Variants in CNTNAP2 observed in about 807,000 individuals in gnomAD.
CNTNAP2 encodes contactin associated protein 2, also known as contactin-associated protein-like 2.
CNTNAP2 carries 98 observed loss-of-function variants against 155.2 expected under a neutral mutation model. That is an observed-to-expected ratio of 0.63 (90% CI 0.54 to 0.75). CNTNAP2 has a LOEUF of 0.75. Ranked by LOEUF, CNTNAP2 falls within the 30% of genes least tolerant of loss-of-function variation. The pLI, the probability that CNTNAP2 is intolerant of heterozygous loss-of-function variation, is 0.00. For missense variants in CNTNAP2, 1,727 were observed against 1,688.1 expected, an observed-to-expected ratio of 1.02 and a Z score of -0.40; for synonymous variants, 651 against 631.2, an observed-to-expected ratio of 1.03 and a Z score of -0.47.
chr7:146,763,583 A>G (rs1228141713), intron 1 of CNTNAP2, among the ~76,000 whole-genome samples: 1 of 152,182 alleles, frequency 6.6e-6, no homozygotes, highest in East Asian at 1.9e-4. Flanking sequence ...TGGGTAGTTA[A>G]TACTATTTTT....
chr7:148,277,829 C>CAA (rs36031492), intron 21 of CNTNAP2, among the ~76,000 whole-genome samples: 35,826 of 146,742 alleles, frequency 0.24, 4,397 homozygotes, highest in Middle Eastern at 0.29. Context: ...TTACTTCCTA[C>CAA]AAAAAAAAAA....
At chr7:147,886,161 G>A (rs1799595436) in intron 13 of CNTNAP2, among the ~76,000 whole-genome samples, 1 of 152,114 alleles carries the variant, frequency 6.6e-6, no homozygotes, top group Admixed American at 6.6e-5. Flanking sequence ...TGTCACTGTG[G>A]ATGACTCACA....
intron 21 of CNTNAP2, among the ~76,000 whole-genome samples, chr7:148,340,290 A>G (rs1798205535): frequency 6.6e-6 from 1 of 152,182 alleles, no homozygotes; most frequent in Admixed American, 6.5e-5. Flanking sequence ...ACTCCTGCAA[A>G]ACAAATTAGC....
chr7:146,414,279 T>G (rs1795906820), intron 1 of CNTNAP2, among the ~76,000 whole-genome samples: 1 of 152,236 alleles, frequency 6.6e-6, no homozygotes, highest in Admixed American at 6.5e-5. Context: ...GTGTCAACTC[T>G]GCGATTTTGC....
intron 1 of CNTNAP2, among the ~76,000 whole-genome samples, chr7:146,277,368 T>C (rs1206367550): frequency 6.6e-6 from 1 of 152,166 alleles, no homozygotes; most frequent in Non-Finnish European, 1.5e-5. Context: ...GTAAAAGTCA[T>C]GAACGGCAGC....
chr7:148,153,547 C>G (rs1431696564), intron 17 of CNTNAP2, among the ~76,000 whole-genome samples: 2 of 152,208 alleles, frequency 1.3e-5, no homozygotes, highest in African/African-American at 2.4e-5. Context: ...ACATGTTGAT[C>G]TGAAGCCTCA....
chr7:147,290,741 T>G (rs1388731509), intron 8 of CNTNAP2, among the ~76,000 whole-genome samples: 1 of 145,094 alleles, frequency 6.9e-6, no homozygotes, highest in East Asian at 2.1e-4. Flanking sequence ...GCACTGGATA[T>G]ACAGTGAAAA....
chr7:148,072,199 G>A (rs958764928), intron 15 of CNTNAP2, among the ~76,000 whole-genome samples: 5 of 152,058 alleles, frequency 3.3e-5, no homozygotes, highest in African/African-American at 1.2e-4. Context: ...AAATCTCCAA[G>A]CAATGGAACT....
chr7:147,631,481 C>G (rs771243669), intron 12 of CNTNAP2, among the ~76,000 whole-genome samples: 1 of 152,048 alleles, frequency 6.6e-6, no homozygotes, highest in African/African-American at 2.4e-5. Context: ...AAAAAACAAT[C>G]CTAAAGTTCA....
chr7:147,485,644 T>C (rs1798496926), intron 10 of CNTNAP2, among the ~76,000 whole-genome samples: 2 of 152,092 alleles, frequency 1.3e-5, no homozygotes, highest in South Asian at 4.1e-4. Flanking sequence ...TGTTTTGGGG[T>C]AAAAGAAAAA....
At chr7:147,801,854 G>A (rs905942342) in intron 13 of CNTNAP2, among the ~76,000 whole-genome samples, 2 of 64,314 alleles carry the variant, frequency 3.1e-5, no homozygotes, top group Non-Finnish European at 6.4e-5. Flanking sequence ...CTCCCAGACG[G>A]GGGGGGCGGC....
intron 21 of CNTNAP2, among the ~76,000 whole-genome samples, chr7:148,344,397 C>A (rs1029466577): frequency 1.3e-5 from 2 of 152,312 alleles, no homozygotes; most frequent in African/African-American, 2.4e-5. Flanking sequence ...TCACTCCAGT[C>A]CCTGCTCAGA....
At position 147,820,868 on chromosome 7, in the gene CNTNAP2, T is replaced by C. The variant is rs571528420; in HGVS notation, c.2099-82697T>C. ...TTATCTTTTCTGTCCCATTGATTTA[T>C]TTGCCTATGTTTATGGCAGTGTTAC... On this transcript the variant is annotated intron_variant, in intron 13 of 23. Transcript: ENST00000361727. Among the ~76,000 whole-genome samples the C allele has an allele frequency of 1.5e-4, 23 of 152,300 alleles. No homozygotes were observed. In the South Asian group the frequency reaches 4.8e-3, roughly 32 times the overall value.
intron 10 of CNTNAP2, among the ~76,000 whole-genome samples, chr7:147,404,824 A>G (rs36103173): frequency 0.18 from 26,642 of 152,214 alleles, 2,955 homozygotes; most frequent in Non-Finnish European, 0.25. Flanking sequence ...ACCCATGTTC[A>G]AGTCAGTTGC....
intron 4 of CNTNAP2, among the ~76,000 whole-genome samples, chr7:147,086,443 A>T (rs945559086): frequency 6.6e-6 from 1 of 151,332 alleles, no homozygotes; most frequent in African/African-American, 2.4e-5. Flanking sequence ...TAATTTTTTT[A>T]AATTACTTTT....
chr7:147,994,088 G>C (rs1057180055), intron 15 of CNTNAP2, among the ~76,000 whole-genome samples: 1 of 152,136 alleles, frequency 6.6e-6, no homozygotes, highest in South Asian at 2.1e-4. Flanking sequence ...TTTAGCATTA[G>C]GCTGGGTGCA....
intron 15 of CNTNAP2, among the ~76,000 whole-genome samples, chr7:148,082,609 G>T (rs191371588): frequency 1.3e-5 from 2 of 152,106 alleles, no homozygotes; most frequent in Non-Finnish European, 2.9e-5. Context: ...TGGGGGATTC[G>T]CAGGTTTAAG....
intron 2 of CNTNAP2, among the ~76,000 whole-genome samples, chr7:146,819,033 A>G (rs1803227089): frequency 6.6e-6 from 1 of 152,124 alleles, no homozygotes; most frequent in Non-Finnish European, 1.5e-5. Flanking sequence ...ACCTACTTTT[A>G]ATCAATGTAT....
intron 13 of CNTNAP2, among the ~76,000 whole-genome samples, chr7:147,742,083 G>A (rs182238292): frequency 4.6e-5 from 7 of 152,068 alleles, no homozygotes; most frequent in East Asian, 1.9e-4. Flanking sequence ...ATCAGATCTC[G>A]TGAGACTTAT....
Sources: allele counts gnomAD v4.1 joint callset (sites outside exome capture counted in the v4.1 genomes callset), GRCh38; gene constraint gnomAD v4.1.1; transcripts MANE v1.5; gene names NCBI Gene and HGNC (gene_info 2026-07-23, HGNC 2026-07-21).